ACOXL: variants seen among roughly 807,000 people sequenced by gnomAD.
ACOXL encodes the protein acyl-coenzyme A oxidase-like protein.
A neutral mutation model predicts 71.9 loss-of-function variants in ACOXL; 70 were observed. The observed-to-expected ratio is 0.97, with a 90% confidence interval of 0.80 to 1.19. The LOEUF (loss-of-function observed/expected upper bound fraction) is 1.19, where lower values mean the gene tolerates loss of function less well. Among genes scored for constraint, ACOXL ranks in the 50% most tolerant of loss-of-function variants. The pLI, the probability that ACOXL is intolerant of heterozygous loss-of-function variation, is 0.00. For missense variants in ACOXL, 703 were observed against 736.3 expected (o/e 0.95, Z 0.52); for synonymous variants, 253 against 281.6 (o/e 0.90, Z 1.02).
chr2:110,764,985 A>AT (rs1320890203), intron 1 of ACOXL, among the ~76,000 whole-genome samples: 2 of 152,034 alleles, frequency 1.3e-5, no homozygotes, highest in Non-Finnish European at 2.9e-5. Context: ...ATTGTCTTAG[A>AT]TTTTTTTGGC....
intron 10 of ACOXL, among the ~76,000 whole-genome samples, chr2:110,898,748 G>T (rs1327634530): frequency 1.3e-5 from 2 of 152,062 alleles, no homozygotes; most frequent in African/African-American, 2.4e-5. Flanking sequence ...AGTGCAATAG[G>T]CAAGAAAAGG....
At chr2:111,004,965 T>C (rs1257142975) in intron 14 of ACOXL, among the ~76,000 whole-genome samples, 1 of 152,208 alleles carries the variant, frequency 6.6e-6, no homozygotes, top group Non-Finnish European at 1.5e-5. Context: ...ACTTTTGTAG[T>C]TCTATGAGGT....
At chr2:110,977,279 A>G (rs571438434) in intron 12 of ACOXL, among the ~76,000 whole-genome samples, 1 of 151,924 alleles carries the variant, frequency 6.6e-6, no homozygotes, top group South Asian at 2.1e-4. Context: ...CCAGCTACTC[A>G]GGAGGCTGAG....
intron 14 of ACOXL, among the ~76,000 whole-genome samples, chr2:111,006,854 C>T (rs557330840): frequency 1.6e-4 from 25 of 152,198 alleles, no homozygotes; most frequent in African/African-American, 5.1e-4. Flanking sequence ...CCACCGCACC[C>T]GGCTGTCTTT....
chr2:110,835,119 A>G (rs2105686406), intron 9 of ACOXL, among the ~76,000 whole-genome samples: 1 of 152,332 alleles, frequency 6.6e-6, no homozygotes, highest in Admixed American at 6.5e-5. Flanking sequence ...CATTGATTTA[A>G]CAACTTGTCT....
chr2:110,945,743 T>C (rs2061079242), intron 12 of ACOXL, among the ~76,000 whole-genome samples: 1 of 152,234 alleles, frequency 6.6e-6, no homozygotes, highest in Non-Finnish European at 1.5e-5. Context: ...TTGGTTACTG[T>C]AGCCTTGTAG....
chr2:110,991,077 G>A (rs540275631), intron 13 of ACOXL, among the ~76,000 whole-genome samples: 92 of 152,228 alleles, frequency 6.0e-4, no homozygotes, highest in African/African-American at 8.9e-4. Context: ...CGGGCTTGGC[G>A]AGTAAACTAT....
intron 11 of ACOXL, among the ~76,000 whole-genome samples, chr2:110,926,445 C>T (rs1465231470): frequency 6.6e-6 from 1 of 152,176 alleles, no homozygotes; most frequent in Non-Finnish European, 1.5e-5. Context: ...CAGCAAGGAG[C>T]AGGCCCTCTG....
In ACOXL at chr2:110,801,691, A is replaced by G. The variant is rs573161641; in HGVS notation, c.587A>G (p.Lys196Arg). Residue 196 changes from lysine (K) to arginine (R), a missense_variant, in exon 8 of 18, where the codon AAG becomes AGG. Transcript: ENST00000439055. ...GVDNGILIFD[K>R]VRIPRENLLD... ...GACAATGGGATATTAATATTTGACAAGGTTCGGATACCCAGGGAGAACCTG... is the reference window on the plus strand; with the variant it reads ...GACAATGGGATATTAATATTTGACAGGGTTCGGATACCCAGGGAGAACCTG... 15 of 1,614,154 alleles carry G rather than the reference A, an allele frequency of 9.3e-6. No individual in the cohort carries two copies. Among genetic ancestry groups the G allele is most frequent in the Admixed American group, 3.3e-5 (2 of 60,014 alleles).
intron 12 of ACOXL, among the ~76,000 whole-genome samples, chr2:110,963,136 T>C (rs1049398605): frequency 6.6e-6 from 1 of 152,208 alleles, no homozygotes; most frequent in African/African-American, 2.4e-5. Flanking sequence ...GCGCAGAGTA[T>C]TTAATGATAT....
chr2:110,922,170 C>A (rs1160072534), intron 11 of ACOXL, among the ~76,000 whole-genome samples: 1 of 152,092 alleles, frequency 6.6e-6, no homozygotes, highest in Non-Finnish European at 1.5e-5. Flanking sequence ...TTTATTTCTT[C>A]TTTCAGTTTT....
intron 16 of ACOXL, among the ~76,000 whole-genome samples, chr2:111,084,179 G>T (rs767397818): frequency 6.7e-6 from 1 of 150,208 alleles, no homozygotes; most frequent in South Asian, 2.1e-4. Context: ...AATAAAAAAC[G>T]GTTATGATTT....
intron 9 of ACOXL, among the ~76,000 whole-genome samples, chr2:110,810,509 T>C (rs1687184633): frequency 6.6e-6 from 1 of 151,754 alleles, no homozygotes; most frequent in Non-Finnish European, 1.5e-5. Context: ...ACTCACCCAT[T>C]CACCCACCAC....
chr2:110,777,446 G>T (rs574945659), intron 2 of ACOXL, among the ~76,000 whole-genome samples: 1 of 152,330 alleles, frequency 6.6e-6, no homozygotes, highest in South Asian at 2.1e-4. Context: ...GATGTAGAGA[G>T]AAAAGGTAAC....
chr2:111,003,203 A>C (rs1310431587), intron 14 of ACOXL, among the ~76,000 whole-genome samples: 4 of 152,210 alleles, frequency 2.6e-5, no homozygotes, highest in Admixed American at 2.6e-4. Flanking sequence ...TTTCCCAAAC[A>C]TAAAATAAAC....
intron 10 of ACOXL, among the ~76,000 whole-genome samples, chr2:110,864,657 C>T (rs760252642): frequency 1.3e-5 from 2 of 152,206 alleles, no homozygotes; most frequent in Non-Finnish European, 2.9e-5. Context: ...GACGGTCTCT[C>T]CCAAGAAGAG....
chr2:110,872,455 C>T (rs1695393203), intron 10 of ACOXL, among the ~76,000 whole-genome samples: 1 of 152,238 alleles, frequency 6.6e-6, no homozygotes, highest in African/African-American at 2.4e-5. Flanking sequence ...ACCAGGAGAG[C>T]CTCCTTATGG....
At chr2:110,908,959 G>A in intron 11 of ACOXL, 54 bp downstream of exon 11, 1 of 1,321,290 alleles carries the variant, frequency 7.6e-7, no homozygotes. Flanking sequence ...ACCCTGGCAT[G>A]AGTAAGAATT....
chr2:110,859,940 A>T, intron 10 of ACOXL, among the ~76,000 whole-genome samples: 1 of 152,154 alleles, frequency 6.6e-6, no homozygotes, highest in East Asian at 1.9e-4. Flanking sequence ...TTCTTCAGCC[A>T]CAGAGATGCC....
Sources: gnomAD v4.1 joint callset for allele counts (sites outside exome capture counted in the v4.1 genomes callset) on GRCh38, gnomAD v4.1.1 for gene constraint, MANE v1.5 for transcripts, NCBI Gene and HGNC (gene_info 2026-07-23, HGNC 2026-07-21) for gene names.